The following ZC3H18 variants were observed in gnomAD, a reference collection of about 807,000 sequenced individuals.
The protein encoded by ZC3H18 is zinc finger CCCH-type containing 18, also known as zinc finger CCCH domain-containing protein 18.
ZC3H18 carries 8 observed loss-of-function variants against 106.1 expected under a neutral mutation model. The observed-to-expected ratio is 0.08, with a 90% CI of 0.04 to 0.14. The LOEUF is 0.14. Among genes scored for constraint, ZC3H18 ranks in the 10% least tolerant of loss-of-function variants. The pLI is 1.00. For missense variants in ZC3H18, 1,318 were observed against 1,278.4 expected, an observed-to-expected ratio of 1.03 and a Z score of -0.47; for synonymous variants, 635 against 522.1, an observed-to-expected ratio of 1.22 and a Z score of -2.95.
intron 2 of ZC3H18, among the ~76,000 whole-genome samples, chr16:88,580,156 CTGTGTGTGTGTGTG>C (rs56406234): frequency 2.0e-4 from 26 of 126,844 alleles, no homozygotes; most frequent in African/African-American, 7.4e-4. Flanking sequence ...ACAGGTTCAT[CTGTGTGTGTGTGTG>C]TGTGTGTGTG....
intron 10 of ZC3H18, chr16:88,623,596 G>C (rs1906106491): frequency 3.4e-6 from 2 of 592,186 alleles, no homozygotes; most frequent in South Asian, 4.2e-5. Flanking sequence ...AGGCACTCCA[G>C]TCCTCCGCAG....
chr16:88,584,376 C>G (rs1052397983), intron 2 of ZC3H18, among the ~76,000 whole-genome samples: 1 of 150,680 alleles, frequency 6.6e-6, no homozygotes, highest in Non-Finnish European at 1.5e-5. Flanking sequence ...GAACCGAGAT[C>G]GTGCCACTGC....
At chr16:88,595,474 C>CTTTTT (rs11302563) in intron 3 of ZC3H18, among the ~76,000 whole-genome samples, 20 of 133,452 alleles carry the variant, frequency 1.5e-4, no homozygotes, top group East Asian at 2.2e-4. Context: ...TTCTTTCTTT[C>CTTTTT]TTTTTTTTTT....
chr16:88,626,911 C>A (rs9931810), intron 13 of ZC3H18, among the ~76,000 whole-genome samples: 1 of 152,130 alleles, frequency 6.6e-6, no homozygotes, highest in East Asian at 1.9e-4. Flanking sequence ...CAGGCATTCC[C>A]TGAGACTGCG....
At chr16:88,596,801 T>C (rs921494033) in intron 3 of ZC3H18, among the ~76,000 whole-genome samples, 2 of 152,260 alleles carry the variant, frequency 1.3e-5, no homozygotes, top group Non-Finnish European at 2.9e-5. Flanking sequence ...AGGCAAACCA[T>C]GAAGAGCTCT....
intron 2 of ZC3H18, among the ~76,000 whole-genome samples, chr16:88,584,899 C>T (rs976205028): frequency 6.6e-6 from 1 of 152,236 alleles, no homozygotes; most frequent in African/African-American, 2.4e-5. Context: ...CCTACACGCT[C>T]ACTTCCAAGT....
At chr16:88,628,526 G>C (rs1207610273) in intron 15 of ZC3H18, 2 of 569,636 alleles carry the variant, frequency 3.5e-6, no homozygotes, top group Non-Finnish European at 6.3e-6. Context: ...GTGGGGAGCA[G>C]GAAGGCCTGC....
chr16:88,608,869 T>C lies in ZC3H18; in HGVS notation c.1089-65T>C. 22 of 1,333,566 alleles carry C rather than the reference T, an allele frequency of 1.6e-5. 1 individual carries two copies. The South Asian group carries it at 2.7e-4, about 16-fold the overall frequency. 82.6% of individuals were successfully genotyped at this position (1,333,566 alleles called of 1,614,324 possible). ...TCTGTTACTTTCTGTCCCTAATGTTTCGTGTGGTCTTTTTACGCCAGTGCT... is the reference window on the plus strand; with the variant it reads ...TCTGTTACTTTCTGTCCCTAATGTTCCGTGTGGTCTTTTTACGCCAGTGCT... On this transcript the variant is annotated intron_variant, in intron 6 of 17. Coordinates refer to ENST00000301011, the MANE Select transcript of ZC3H18 (RefSeq NM_144604.4).
chr16:88,570,813 C>T (rs1169301550), intron 1 of ZC3H18, among the ~76,000 whole-genome samples: 1 of 152,164 alleles, frequency 6.6e-6, no homozygotes, highest in Non-Finnish European at 1.5e-5. Context: ...CCGAGCTCCT[C>T]GCGCGCTGCC....
At position 88,609,046 on chromosome 16, in the gene ZC3H18, T is replaced by G; in HGVS notation, c.1201T>G (p.Tyr401Asp). 6.2e-7 allele frequency: 1 copy of G among 1,611,588 alleles called. No individual in the cohort carries two copies. The highest frequency in any genetic ancestry group is 8.5e-7 in the Non-Finnish European group (1 of 1,178,122). The change falls in exon 7 of 18, where the codon TAC becomes GAC. Residue 401 changes from tyrosine (Y) to aspartate (D), a missense_variant. Around this residue, in one of 6 missense-constraint regions of ZC3H18, gnomAD observed 848 missense variants for 821.7 expected, o/e 1.03. Coordinates refer to ENST00000301011, the MANE Select transcript of ZC3H18 (RefSeq NM_144604.4). ...QYTETEPYHN[Y>D]RERERERERE... The stretch of plus-strand genomic sequence containing the variant: ...TACAGAAACAGAGCCGTATCATAAT[T>G]ACCGAGTAAGTATGACTTCAATATC...
intron 6 of ZC3H18, among the ~76,000 whole-genome samples, chr16:88,600,638 C>A (rs988537526): frequency 2.0e-5 from 3 of 152,214 alleles, no homozygotes; most frequent in Admixed American, 2.0e-4. Context: ...GTCTCGAACT[C>A]CTGACCTCAA....
intron 6 of ZC3H18, among the ~76,000 whole-genome samples, chr16:88,606,279 C>G (rs562116930): frequency 7.5e-4 from 114 of 152,206 alleles, no homozygotes; most frequent in Non-Finnish European, 1.3e-3. Context: ...CTGAGGAGTC[C>G]GTTGTTGGCA....
intron 7 of ZC3H18, among the ~76,000 whole-genome samples, chr16:88,610,451 A>G (rs1196535337): frequency 1.3e-5 from 2 of 152,198 alleles, no homozygotes; most frequent in East Asian, 3.8e-4. Context: ...GGTGGGCTGC[A>G]GGGTCCTGCT....
chr16:88,590,301 T>C (rs1256231928), intron 3 of ZC3H18, among the ~76,000 whole-genome samples: 1 of 152,220 alleles, frequency 6.6e-6, no homozygotes, highest in Non-Finnish European at 1.5e-5. Context: ...AATCATTTAA[T>C]CGCTTAGTGG....
chr16:88,592,193 T>G (rs890787538), intron 3 of ZC3H18, among the ~76,000 whole-genome samples: 2 of 152,142 alleles, frequency 1.3e-5, no homozygotes, highest in Admixed American at 6.6e-5. Context: ...TGTTCTCTGT[T>G]TTTTTTTGAT....
intron 1 of ZC3H18, among the ~76,000 whole-genome samples, chr16:88,572,327 G>A (rs1177697193): frequency 3.3e-5 from 5 of 152,158 alleles, no homozygotes; most frequent in Non-Finnish European, 5.9e-5. Flanking sequence ...TTTTTGAGAC[G>A]GAGTCTCACT....
intron 2 of ZC3H18, among the ~76,000 whole-genome samples, chr16:88,581,600 G>A (rs578148759): frequency 6.6e-6 from 1 of 152,338 alleles, no homozygotes; most frequent in Non-Finnish European, 1.5e-5. Flanking sequence ...TGGCTCATTT[G>A]TGGTGTGGGT....
At chr16:88,572,688 C>A (rs188048884) in intron 1 of ZC3H18, among the ~76,000 whole-genome samples, 74 of 152,156 alleles carry the variant, frequency 4.9e-4, no homozygotes, top group African/African-American at 1.7e-3. Flanking sequence ...TGAGACTCTT[C>A]TACTGACACC....
At chr16:88,597,157 G>T (rs186835568) in intron 3 of ZC3H18, among the ~76,000 whole-genome samples, 1 of 152,128 alleles carries the variant, frequency 6.6e-6, no homozygotes, top group African/African-American at 2.4e-5. Flanking sequence ...TCTTGACGTC[G>T]TGAGCCACCA....
Sources: gnomAD v4.1 joint callset for allele counts (sites outside exome capture counted in the v4.1 genomes callset) on GRCh38, gnomAD v4.1.1 for gene constraint, gnomAD v4.1.1 regional missense constraint, MANE v1.5 for transcripts, NCBI Gene and HGNC (gene_info 2026-07-23, HGNC 2026-07-21) for gene names.